Variants in FRMD4A observed in about 807,000 individuals in gnomAD.
FRMD4A encodes the protein FERM domain-containing protein 4A.
FRMD4A carries 29 observed loss-of-function variants against 129.1 expected under a neutral mutation model. That is an observed-to-expected ratio of 0.22 (90% CI 0.17 to 0.31). The LOEUF is 0.31. Among genes scored for constraint, FRMD4A ranks in the 10% least tolerant of loss-of-function variants. The pLI is 1.00. For missense variants in FRMD4A, 1,272 were observed against 1,375.8 expected (o/e 0.92, Z 1.19); for synonymous variants, 634 against 571.6 (o/e 1.11, Z -1.56).
intron 4 of FRMD4A, among the ~76,000 whole-genome samples, chr10:13,800,802 A>T (rs2130842817): frequency 6.6e-6 from 1 of 152,340 alleles, no homozygotes; most frequent in African/African-American, 2.4e-5. Flanking sequence ...GGACAAACAG[A>T]CAGATGGATT....
At chr10:14,035,990 C>T (rs1161933767) in intron 2 of FRMD4A, among the ~76,000 whole-genome samples, 1 of 149,834 alleles carries the variant, frequency 6.7e-6, no homozygotes, top group Non-Finnish European at 1.5e-5. Context: ...TGCAGTGAGC[C>T]GACATCGTGC....
At chr10:13,795,140 C>T (rs1007744480) in intron 5 of FRMD4A, among the ~76,000 whole-genome samples, 2 of 152,238 alleles carry the variant, frequency 1.3e-5, no homozygotes, top group African/African-American at 4.8e-5. Context: ...ATGCACTCAT[C>T]CACCTGCGAT....
intron 2 of FRMD4A, among the ~76,000 whole-genome samples, chr10:13,908,877 T>C (rs920859276): frequency 6.6e-6 from 1 of 152,248 alleles, no homozygotes; most frequent in South Asian, 2.1e-4. Flanking sequence ...ATGTGGGATA[T>C]ACTTACCCTA....
At chr10:14,232,362 G>A (rs1462502223) in intron 2 of FRMD4A, among the ~76,000 whole-genome samples, 1 of 152,176 alleles carries the variant, frequency 6.6e-6, no homozygotes, top group South Asian at 2.1e-4. Context: ...GTTGGGTAAT[G>A]TGATGCCTCT....
At chr10:14,321,855 T>C (rs1044895353) in intron 2 of FRMD4A, among the ~76,000 whole-genome samples, 25 of 152,066 alleles carry the variant, frequency 1.6e-4, no homozygotes, top group African/African-American at 6.0e-4. Flanking sequence ...TGGGAGGTGA[T>C]TGTATCATGG....
At chr10:14,191,028 T>C (rs1423099349) in intron 2 of FRMD4A, among the ~76,000 whole-genome samples, 1 of 152,202 alleles carries the variant, frequency 6.6e-6, no homozygotes, top group East Asian at 1.9e-4. Context: ...CAACCAACTT[T>C]AGCCAGTTCT....
chr10:14,302,003 TG>T (rs764034547), intron 2 of FRMD4A, among the ~76,000 whole-genome samples: 2 of 152,174 alleles, frequency 1.3e-5, no homozygotes, highest in Non-Finnish European at 2.9e-5. Flanking sequence ...CAGACAAATC[TG>T]GGGAAAGAAA....
Position 14,049,590 on chromosome 10 carries a change from G to A in FRMD4A, c.46-190678C>T, listed in dbSNP as rs546013691. On this transcript the variant is annotated intron_variant, in intron 2 of 24. Coordinates refer to ENST00000357447, the MANE Select transcript of FRMD4A (RefSeq NM_018027.5). ...CCTCAGAGGCAGTTGGATTTTATCCGTTTCAGAGTTGAGTCTTACTGTGGA... is the reference window on the plus strand; with the variant it reads ...CCTCAGAGGCAGTTGGATTTTATCCATTTCAGAGTTGAGTCTTACTGTGGA... 7.0e-4 allele frequency among the ~76,000 whole-genome samples: 106 copies of A among 152,254 alleles called. 1 individual carries two copies. The highest frequency in any genetic ancestry group is 2.2e-3 in the African/African-American group (92 of 41,554).
Position 14,195,511 on chromosome 10 carries a change from A to T in FRMD4A, c.45+134547T>A, listed in dbSNP as rs1375805183. ...GTTAGAGACTGAAAACTACCTGTAC[A>T]AATTATTTCCCTAAGGTTCCCATAC... is the stretch of plus-strand genomic sequence containing the variant. On this transcript the variant is annotated intron_variant, in intron 2 of 24. Coordinates refer to ENST00000357447, the MANE Select transcript of FRMD4A (RefSeq NM_018027.5). Among the ~76,000 whole-genome samples, 4 of 152,120 alleles carry T rather than the reference A, an allele frequency of 2.6e-5. No homozygotes were observed. In the East Asian group the frequency reaches 7.7e-4, roughly 29 times the overall value.
intron 2 of FRMD4A, among the ~76,000 whole-genome samples, chr10:14,221,497 C>CT (rs1434232964): frequency 2.6e-5 from 4 of 152,238 alleles, no homozygotes; most frequent in Admixed American, 6.5e-5. Context: ...AACATTTTGT[C>CT]TTTTTCAAAA....
chr10:13,861,700 A>G (rs1417349663), intron 2 of FRMD4A, among the ~76,000 whole-genome samples: 1 of 152,344 alleles, frequency 6.6e-6, no homozygotes, highest in African/African-American at 2.4e-5. Context: ...CCCTAACTTC[A>G]GGTGTTAATT....
chr10:14,187,967 T>G (rs1261496080), intron 2 of FRMD4A, among the ~76,000 whole-genome samples: 1 of 152,072 alleles, frequency 6.6e-6, no homozygotes, highest in Non-Finnish European at 1.5e-5. Context: ...ACAATACAAT[T>G]TTCCCATCTC....
chr10:13,970,648 A>AC (rs2131381594), intron 2 of FRMD4A, among the ~76,000 whole-genome samples: 1 of 151,658 alleles, frequency 6.6e-6, no homozygotes. Context: ...AATGAGCGAC[A>AC]CCCCCCTTCA....
At chr10:13,972,801 C>T (rs2095525602) in intron 2 of FRMD4A, among the ~76,000 whole-genome samples, 1 of 152,188 alleles carries the variant, frequency 6.6e-6, no homozygotes, top group Non-Finnish European at 1.5e-5. Context: ...CAGCCACGAC[C>T]TAGCTGTACA....
chr10:14,206,476 C>T (rs1277787799), intron 2 of FRMD4A, among the ~76,000 whole-genome samples: 1 of 152,070 alleles, frequency 6.6e-6, no homozygotes, highest in East Asian at 1.9e-4. Flanking sequence ...TTTGTAGACA[C>T]AAATGTTCCA....
chr10:14,274,467 C>A (rs1046173715), intron 2 of FRMD4A, among the ~76,000 whole-genome samples: 2 of 152,112 alleles, frequency 1.3e-5, no homozygotes, highest in South Asian at 2.1e-4. Flanking sequence ...GTGGTTCGCT[C>A]TGAGGAAAGG....
rs145544964 is a variant in FRMD4A, at chr10:13,779,985, A to T, written c.384+2937T>A. ...TCATGAGACATTCATTGCATTCGTT[A>T]TGTGCATGCCGGGGGTAGCCAGTGG... is the stretch of plus-strand genomic sequence containing the variant. On this transcript the variant is annotated intron_variant, in intron 6 of 24. Coordinates refer to ENST00000357447, the MANE Select transcript of FRMD4A (RefSeq NM_018027.5). Among the ~76,000 whole-genome samples the T allele has an allele frequency of 2.2e-3, 335 of 152,206 alleles. 1 individual carries two copies. Among genetic ancestry groups the T allele is most frequent in the African/African-American group, 7.7e-3 (319 of 41,516 alleles).
intron 2 of FRMD4A, among the ~76,000 whole-genome samples, chr10:14,047,174 A>G (rs1834024901): frequency 6.6e-6 from 1 of 152,224 alleles, no homozygotes; most frequent in African/African-American, 2.4e-5. Flanking sequence ...ATGGAAATTC[A>G]CCAATGCAAA....
chr10:14,117,626 TAGAAGC>T (rs1384345426), intron 2 of FRMD4A, among the ~76,000 whole-genome samples: 1 of 152,082 alleles, frequency 6.6e-6, no homozygotes, highest in African/African-American at 2.4e-5. Context: ...TGAAGGTCAC[TAGAAGC>T]AAGATAGGCT....
Sources: allele counts gnomAD v4.1 joint callset (sites outside exome capture counted in the v4.1 genomes callset), GRCh38; gene constraint gnomAD v4.1.1; transcripts MANE v1.5; gene names NCBI Gene and HGNC (gene_info 2026-07-23, HGNC 2026-07-21).